Variants in ENPP6 observed in about 807,000 individuals in gnomAD.
ENPP6 encodes the protein glycerophosphocholine cholinephosphodiesterase ENPP6.
In ENPP6, 32 loss-of-function variants were observed where a neutral mutation model predicts 42.0. That is an observed-to-expected ratio of 0.76 (90% CI 0.58 to 1.02). The LOEUF (loss-of-function observed/expected upper bound fraction) is 1.02, where lower values mean the gene tolerates loss of function less well. ENPP6 is among the 50% of genes least tolerant of loss of function. The pLI is 0.00. For synonymous variants in ENPP6, 213 were observed against 216.0 expected, an observed-to-expected ratio of 0.99 and a Z score of 0.12; for missense variants, 552 against 566.8, an observed-to-expected ratio of 0.97 and a Z score of 0.27.
chr4:184,197,648 T>C (rs560856533), intron 1 of ENPP6, among the ~76,000 whole-genome samples: 39 of 152,386 alleles, frequency 2.6e-4, no homozygotes, highest in African/African-American at 9.1e-4. Flanking sequence ...CCTCTGCTTT[T>C]GGCATTTTGT....
chr4:184,136,175 A>C (rs1170946358), intron 2 of ENPP6, among the ~76,000 whole-genome samples: 1 of 136,938 alleles, frequency 7.3e-6, no homozygotes. Context: ...AAAAATGGAA[A>C]TATTAGTCTA....
chr4:184,117,886 T>TCGGC lies in ENPP6; in HGVS notation c.544_547dup (p.Asp183GlyfsTer9). 1.9e-6 allele frequency: 3 copies of TCGGC among 1,614,004 alleles called. No individual in the cohort carries two copies. Among genetic ancestry groups the TCGGC allele is most frequent in the Non-Finnish European group, 2.5e-6 (3 of 1,179,986 alleles). On this transcript the variant is annotated frameshift_variant, in exon 4 of 8. Coordinates refer to ENST00000296741, the MANE Select transcript of ENPP6 (RefSeq NM_153343.4). LOFTEE classifies it high-confidence loss of function. ...GCGCTCATGGTATATGGCTGCCAGG[T>TCGGC]CGGCCCGGCCACTCCTGGAGGGACA...
At chr4:184,192,297 G>A (rs1732722132) in intron 1 of ENPP6, among the ~76,000 whole-genome samples, 1 of 152,140 alleles carries the variant, frequency 6.6e-6, no homozygotes, top group Non-Finnish European at 1.5e-5. Context: ...GAGATTATTG[G>A]AATAAAATTG....
intron 2 of ENPP6, among the ~76,000 whole-genome samples, chr4:184,147,652 T>G (rs1340863647): frequency 6.6e-6 from 1 of 151,318 alleles, no homozygotes; most frequent in South Asian, 2.1e-4. Context: ...CGTAAAAAAC[T>G]TAGCAGGGTG....
At chr4:184,134,879 C>T (rs762287258) in intron 2 of ENPP6, among the ~76,000 whole-genome samples, 1 of 150,958 alleles carries the variant, frequency 6.6e-6, no homozygotes, top group African/African-American at 2.4e-5. Flanking sequence ...TAGCTGCATT[C>T]GTCTTATGCC....
At chr4:184,115,344 G>A (rs979304792) in intron 5 of ENPP6, among the ~76,000 whole-genome samples, 5 of 152,204 alleles carry the variant, frequency 3.3e-5, no homozygotes, top group African/African-American at 1.2e-4. Context: ...ATATTGGGAA[G>A]TGACTAGGAA....
chr4:184,212,006 G>C (rs1489336057), intron 1 of ENPP6, among the ~76,000 whole-genome samples: 1 of 149,200 alleles, frequency 6.7e-6, no homozygotes. Flanking sequence ...TATCTCAATA[G>C]ATGCAGAAAA....
In ENPP6 at chr4:184,206,313, A is replaced by G. The variant is rs367954858; in HGVS notation, c.241+11266T>C. ...CGCTCTGTCGCCCAGGCTGGAGTGC[A>G]GTGGCGCGATCTCGGCTCACTGCAA... is the stretch of plus-strand genomic sequence containing the variant. On this transcript the variant is annotated intron_variant, in intron 1 of 7. Coordinates refer to ENST00000296741, the MANE Select transcript of ENPP6 (RefSeq NM_153343.4). 2.9e-3 allele frequency among the ~76,000 whole-genome samples: 320 copies of G among 109,988 alleles called. 10 individuals carry two copies. Among genetic ancestry groups the G allele is most frequent in the Middle Eastern group, 0.014 (2 of 148 alleles). The allele number at this position is 109,988 out of a possible 152,430, so 72.2% of individuals were successfully genotyped here. A position where few individuals can be genotyped will look rare whatever the true frequency, so the allele number is the denominator to read the frequency against.
At chr4:184,177,569 C>T (rs552310723) in intron 1 of ENPP6, among the ~76,000 whole-genome samples, 1 of 152,346 alleles carries the variant, frequency 6.6e-6, no homozygotes, top group Non-Finnish European at 1.5e-5. Flanking sequence ...CGGTTGAGAC[C>T]TCCCAACAGG....
chr4:184,104,224 G>T (rs546377681), intron 6 of ENPP6, among the ~76,000 whole-genome samples: 13 of 152,300 alleles, frequency 8.5e-5, no homozygotes, highest in South Asian at 8.3e-4. Flanking sequence ...TTTCCAGATT[G>T]TCTTGATTTC....
chr4:184,118,188 C>A (rs1362179926), intron 3 of ENPP6, among the ~76,000 whole-genome samples: 1 of 152,230 alleles, frequency 6.6e-6, no homozygotes, highest in Non-Finnish European at 1.5e-5. Context: ...TAAGCCTCAG[C>A]ATTTCATTGC....
chr4:184,202,662 G>A (rs755121886), intron 1 of ENPP6, among the ~76,000 whole-genome samples: 12 of 152,134 alleles, frequency 7.9e-5, no homozygotes, highest in Admixed American at 5.2e-4. Flanking sequence ...AGAGCAGCAT[G>A]TCTCATTTAG....
intron 2 of ENPP6, among the ~76,000 whole-genome samples, chr4:184,144,460 T>C (rs1736884886): frequency 6.6e-6 from 1 of 152,202 alleles, no homozygotes; most frequent in Non-Finnish European, 1.5e-5. Flanking sequence ...CACTTTCCTC[T>C]GCGTGCTCCT....
chr4:184,160,027 C>A (rs560347610), intron 1 of ENPP6, among the ~76,000 whole-genome samples: 5 of 152,020 alleles, frequency 3.3e-5, no homozygotes, highest in Non-Finnish European at 7.4e-5. Context: ...GTATATATAC[C>A]ACATTTTCTT....
At chr4:184,174,816 CACCAAACTTCAATG>C (rs1737534999) in intron 1 of ENPP6, among the ~76,000 whole-genome samples, 1 of 152,196 alleles carries the variant, frequency 6.6e-6, no homozygotes, top group African/African-American at 2.4e-5. Context: ...TGGAAGCCCG[CACCAAACTTCAATG>C]ACCCAATGGC....
intron 1 of ENPP6, among the ~76,000 whole-genome samples, chr4:184,172,222 C>T (rs773170738): frequency 8.5e-5 from 13 of 152,074 alleles, no homozygotes; most frequent in Non-Finnish European, 1.6e-4. Flanking sequence ...AGATTTTACT[C>T]GAGGCATAAT....
intron 7 of ENPP6, among the ~76,000 whole-genome samples, chr4:184,096,612 C>T (rs1735905118): frequency 6.6e-6 from 1 of 152,124 alleles, no homozygotes; most frequent in African/African-American, 2.4e-5. Context: ...AATCAAATGA[C>T]CAGATAGGCC....
rs559244778 is a variant in ENPP6, at chr4:184,130,758, A to C, written c.422-6486T>G. 1.2e-3 allele frequency among the ~76,000 whole-genome samples: 186 copies of C among 151,924 alleles called. 1 individual carries two copies. The South Asian group carries it at 0.038, about 31-fold the overall frequency. On this transcript the variant is annotated intron_variant, in intron 2 of 7. Transcript: ENST00000296741. ...AGAGTGGTGACTTTCTATTCTTATT[A>C]TTACTTATCTTAATGGAACTAACTT...
At chr4:184,105,377 A>G (rs952742197) in intron 6 of ENPP6, among the ~76,000 whole-genome samples, 6 of 152,230 alleles carry the variant, frequency 3.9e-5, no homozygotes, top group African/African-American at 1.4e-4. Context: ...TAGACCCCAC[A>G]GAAGCCAGAA....
Sources: allele counts gnomAD v4.1 joint callset (sites outside exome capture counted in the v4.1 genomes callset), GRCh38; gene constraint gnomAD v4.1.1; transcripts MANE v1.5; gene names NCBI Gene and HGNC (gene_info 2026-07-23, HGNC 2026-07-21).